The following DOCK8 variants were observed in gnomAD, a reference collection of about 807,000 sequenced individuals.
DOCK8 encodes the protein dedicator of cytokinesis 8.
In DOCK8, 141 loss-of-function variants were observed where a neutral mutation model predicts 245.6. The observed-to-expected ratio is 0.57, with a 90% confidence interval of 0.50 to 0.66. DOCK8 has a LOEUF of 0.66. DOCK8 is among the 30% of genes least tolerant of loss of function. The pLI is 0.00. For synonymous variants in DOCK8, 1,168 were observed against 970.2 expected, an observed-to-expected ratio of 1.20 and a Z score of -3.79; for missense variants, 2,965 against 2,603.4, an observed-to-expected ratio of 1.14 and a Z score of -3.02.
intron 23 of DOCK8, among the ~76,000 whole-genome samples, chr9:389,066 C>A (rs1454323118): frequency 1.3e-5 from 2 of 151,998 alleles, no homozygotes; most frequent in Non-Finnish European, 2.9e-5. Context: ...GAAAGAAAAC[C>A]ACAGAAAATT....
chr9:358,517 C>T (rs2052559419), intron 14 of DOCK8, among the ~76,000 whole-genome samples: 1 of 152,180 alleles, frequency 6.6e-6, no homozygotes, highest in Admixed American at 6.5e-5. Flanking sequence ...TTAATATGTA[C>T]ACAGAATGTT....
chr9:406,770 T>C (rs1489501733), intron 27 of DOCK8, among the ~76,000 whole-genome samples, 160 bp from the exon 28 acceptor site: 5 of 148,282 alleles, frequency 3.4e-5, no homozygotes, highest in African/African-American at 1.3e-4. Flanking sequence ...AACCACTCTG[T>C]GCCTCAGTTT....
intron 28 of DOCK8, 45 bp from the exon 29 acceptor site, chr9:414,737 A>G (rs755469766): frequency 2.5e-6 from 4 of 1,613,522 alleles, no homozygotes; most frequent in Admixed American, 1.7e-5. Flanking sequence ...TCTTTAGTCA[A>G]TTTCCTTTCA....
Position 372,276 on chromosome 9 carries a change from A to T in DOCK8, c.2099A>T (p.His700Leu), listed in dbSNP as rs746720608. The T allele has an allele frequency of 6.2e-7, 1 of 1,613,732 alleles. No homozygotes were observed. Among genetic ancestry groups the T allele is most frequent in the Non-Finnish European group, 8.5e-7 (1 of 1,179,720 alleles). ...LEKLPPNYSM[H>L]SAEKVPLQNP... ...AAATTGCCACCCAACTACTCCATGC[A>T]TTCTGCTGAGGTAATTGGCAAGCTG... The change falls in exon 18 of 48, where the codon CAT (histidine) becomes CTT (leucine). Residue 700 changes from histidine to leucine, a missense_variant. Transcript: ENST00000432829.
intron 15 of DOCK8, chr9:369,982 T>G: frequency 1.9e-6 from 1 of 523,552 alleles, no homozygotes; most frequent in South Asian, 2.0e-5. Flanking sequence ...TTGTATTTTT[T>G]TGTAGAGATG....
chr9:363,755 T>A (rs1225596958), intron 14 of DOCK8, among the ~76,000 whole-genome samples: 1 of 152,140 alleles, frequency 6.6e-6, no homozygotes, highest in East Asian at 1.9e-4. Context: ...GGCAGGACAC[T>A]GAATATCTGT....
intron 4 of DOCK8, among the ~76,000 whole-genome samples, chr9:304,093 A>T (rs1224296255): frequency 6.6e-6 from 1 of 152,140 alleles, no homozygotes; most frequent in East Asian, 1.9e-4. Context: ...GAGATTGAGG[A>T]TGTTTGCAAA....
intron 14 of DOCK8, among the ~76,000 whole-genome samples, chr9:363,087 A>G (rs1185935460): frequency 6.6e-6 from 1 of 152,224 alleles, no homozygotes; most frequent in Non-Finnish European, 1.5e-5. Flanking sequence ...AGTTTCCAAA[A>G]TAGTTTGTAA....
chr9:347,259 T>C (rs752181462), intron 14 of DOCK8, among the ~76,000 whole-genome samples: 4 of 152,052 alleles, frequency 2.6e-5, no homozygotes, highest in Non-Finnish European at 4.4e-5. Context: ...ATCCCAGCAC[T>C]TTGGGAGGCC....
intron 1 of DOCK8, among the ~76,000 whole-genome samples, chr9:240,706 G>C (rs1422715452): frequency 6.6e-6 from 1 of 151,940 alleles, no homozygotes; most frequent in Non-Finnish European, 1.5e-5. Context: ...TATTTCTTGA[G>C]CACTTACTTG....
intron 33 of DOCK8, among the ~76,000 whole-genome samples, chr9:425,933 C>T (rs2056483206): frequency 6.6e-6 from 1 of 152,058 alleles, no homozygotes; most frequent in South Asian, 2.1e-4. Flanking sequence ...ATGTAAGCAG[C>T]TGCAGTGCCC....
chr9:353,700 G>A (rs2052287150), intron 14 of DOCK8, among the ~76,000 whole-genome samples: 1 of 152,138 alleles, frequency 6.6e-6, no homozygotes, highest in Non-Finnish European at 1.5e-5. Context: ...ATACAGCATA[G>A]TCCAGATTTG....
At chr9:417,790 G>T (rs146371176) in intron 29 of DOCK8, among the ~76,000 whole-genome samples, 1 of 152,292 alleles carries the variant, frequency 6.6e-6, no homozygotes, top group Non-Finnish European at 1.5e-5. Flanking sequence ...AGAGAATGAA[G>T]TTTAAAAAAT....
At chr9:270,747 A>G (rs1302756533) in intron 1 of DOCK8, among the ~76,000 whole-genome samples, 1 of 152,246 alleles carries the variant, frequency 6.6e-6, no homozygotes, top group Non-Finnish European at 1.5e-5. Context: ...TTTGATCCTC[A>G]GTAATCTCTG....
rs2057259458 is a variant in DOCK8 at position 446,356 on chromosome 9, C to T, written c.5581-14C>T. ...AATAGCTCATCTTCTCCCTCCGTGC[C>T]TTTTCCCCCTTAGGCCTACATACAG... is the stretch of plus-strand genomic sequence containing the variant. On this transcript the variant is annotated splice_polypyrimidine_tract_variant and intron_variant, in intron 43 of 47. Transcript: ENST00000432829. The T allele has an allele frequency of 6.2e-7, 1 of 1,609,788 alleles. No homozygotes were observed. The highest frequency in any genetic ancestry group is 2.2e-5 in the East Asian group (1 of 44,856).
At chr9:382,436 T>C in intron 21 of DOCK8, 77 bp from the exon 22 acceptor site, 1 of 1,596,616 alleles carries the variant, frequency 6.3e-7, no homozygotes, top group East Asian at 2.2e-5. Flanking sequence ...ACCCTATCCC[T>C]CTTCAATTCC....
intron 2 of DOCK8, among the ~76,000 whole-genome samples, chr9:275,429 G>A (rs911695288): frequency 2.0e-5 from 3 of 152,068 alleles, no homozygotes; most frequent in African/African-American, 7.2e-5. Context: ...TTAGAGTAAG[G>A]GTTCTCAGCC....
At chr9:343,444 C>T (rs748712342) in intron 14 of DOCK8, among the ~76,000 whole-genome samples, 17 of 151,588 alleles carry the variant, frequency 1.1e-4, no homozygotes, top group Non-Finnish European at 2.4e-4. Context: ...AGCCTTGTGC[C>T]ACTGCTCTCC....
At chr9:390,938 G>T (rs1334581040) in intron 24 of DOCK8, among the ~76,000 whole-genome samples, 1 of 152,086 alleles carries the variant, frequency 6.6e-6, no homozygotes, top group African/African-American at 2.4e-5. Context: ...TTTAAAAACC[G>T]ATCGATGATT....
Sources: allele counts gnomAD v4.1 joint callset (sites outside exome capture counted in the v4.1 genomes callset), GRCh38; gene constraint gnomAD v4.1.1; transcripts MANE v1.5; gene names NCBI Gene and HGNC (gene_info 2026-07-23, HGNC 2026-07-21).